Variants in FCHSD2 observed in about 807,000 individuals in gnomAD.
FCHSD2 encodes F-BAR and double SH3 domains protein 2.
In FCHSD2, 38 loss-of-function variants were observed where a neutral mutation model predicts 108.1. The ratio of observed to expected loss-of-function variants is 0.35; its 90% CI spans 0.27 to 0.46. The LOEUF is 0.46. FCHSD2 is among the 20% of genes least tolerant of loss of function. The pLI, the probability that FCHSD2 is intolerant of heterozygous loss-of-function variation, is 1.00. For missense variants in FCHSD2, 751 were observed against 897.8 expected (o/e 0.84, Z 2.09); for synonymous variants, 279 against 314.7 (o/e 0.89, Z 1.20).
At chr11:72,991,651 G>T (rs903442040) in intron 5 of FCHSD2, among the ~76,000 whole-genome samples, 1 of 152,032 alleles carries the variant, frequency 6.6e-6, no homozygotes, top group African/African-American at 2.4e-5. Flanking sequence ...CAGAACCAAC[G>T]ACAAAAACCA....
chr11:72,863,899 T>C (rs1232190513), intron 13 of FCHSD2, among the ~76,000 whole-genome samples: 2 of 152,240 alleles, frequency 1.3e-5, no homozygotes, highest in African/African-American at 2.4e-5. Flanking sequence ...TAAAATGGTA[T>C]AACCACTTTG....
intron 3 of FCHSD2, among the ~76,000 whole-genome samples, chr11:73,028,286 G>C (rs1024193301): frequency 1.3e-5 from 2 of 152,224 alleles, no homozygotes; most frequent in African/African-American, 2.4e-5. Flanking sequence ...CCCACATCTT[G>C]CAACAGCGTG....
chr11:72,984,178 G>T lies in FCHSD2; in HGVS notation c.615C>A (p.Thr205=). 1 of 1,613,334 alleles carries T rather than the reference G, an allele frequency of 6.2e-7. No individual in the cohort carries two copies. Among genetic ancestry groups the T allele is most frequent in the Non-Finnish European group, 8.5e-7 (1 of 1,179,390 alleles). ...TAAGAAGATAATCATTCCTTGCGTG[G>T]GTAGCTTTGGAATTACACTCAGATC... ...ARRSECNSKA[T]HARNDYLLTL... The change falls in exon 8 of 20, where the codon ACC becomes ACA. Residue 205 remains threonine, a synonymous_variant. Coordinates refer to ENST00000409418, the MANE Select transcript of FCHSD2 (RefSeq NM_014824.3).
At chr11:73,006,191 AC>A (rs1225954398) in intron 4 of FCHSD2, among the ~76,000 whole-genome samples, 1 of 151,972 alleles carries the variant, frequency 6.6e-6, no homozygotes. Context: ...ACATACATGA[AC>A]CACTACTCTC....
intron 8 of FCHSD2, among the ~76,000 whole-genome samples, chr11:72,949,385 G>C (rs1488242382): frequency 3.3e-5 from 5 of 152,158 alleles, no homozygotes; most frequent in Middle Eastern, 3.4e-3. Context: ...TGGAGGCAGA[G>C]GTTACAGTGA....
chr11:73,113,822 C>T (rs1198861933), intron 2 of FCHSD2, among the ~76,000 whole-genome samples: 2 of 152,132 alleles, frequency 1.3e-5, no homozygotes, highest in African/African-American at 2.4e-5. Flanking sequence ...CCCAGTAATG[C>T]TATGTTTCTT....
At chr11:72,925,855 C>A (rs891361363) in intron 8 of FCHSD2, among the ~76,000 whole-genome samples, 1 of 152,192 alleles carries the variant, frequency 6.6e-6, no homozygotes, top group Non-Finnish European at 1.5e-5. Context: ...CCACTGCAGT[C>A]GCTCAAACTG....
intron 19 of FCHSD2, among the ~76,000 whole-genome samples, chr11:72,840,215 T>C (rs1860871397): frequency 2.0e-5 from 3 of 152,256 alleles, no homozygotes. Flanking sequence ...AATGGCTTCC[T>C]GTCTCATTTG....
intron 4 of FCHSD2, among the ~76,000 whole-genome samples, chr11:73,013,809 T>C (rs1176854904): frequency 6.6e-6 from 1 of 152,180 alleles, no homozygotes; most frequent in Non-Finnish European, 1.5e-5. Flanking sequence ...ACCTGAATCC[T>C]GAATTTTAAA....
chr11:73,007,083 T>C (rs1330494209), intron 4 of FCHSD2, among the ~76,000 whole-genome samples: 3 of 152,212 alleles, frequency 2.0e-5, no homozygotes, highest in Non-Finnish European at 4.4e-5. Context: ...TCTGTACCAT[T>C]ATTTTCTTAT....
At chr11:72,981,743 A>T (rs1337666520) in intron 8 of FCHSD2, among the ~76,000 whole-genome samples, 3 of 152,316 alleles carry the variant, frequency 2.0e-5, no homozygotes, top group African/African-American at 7.2e-5. Flanking sequence ...TGGGAGGCTG[A>T]GGTGGGAGGA....
At chr11:73,007,281 A>G (rs187652822) in intron 4 of FCHSD2, among the ~76,000 whole-genome samples, 1 of 152,288 alleles carries the variant, frequency 6.6e-6, no homozygotes, top group Non-Finnish European at 1.5e-5. Context: ...CATATAAGAT[A>G]TCTAGGAAAA....
chr11:73,089,331 G>A (rs1237038209), intron 2 of FCHSD2, among the ~76,000 whole-genome samples: 1 of 152,196 alleles, frequency 6.6e-6, no homozygotes, highest in African/African-American at 2.4e-5. Flanking sequence ...CATAGCGTTA[G>A]TGGAAAAGTA....
At chr11:72,959,572 G>A (rs1856784877) in intron 8 of FCHSD2, among the ~76,000 whole-genome samples, 1 of 152,040 alleles carries the variant, frequency 6.6e-6, no homozygotes, top group African/African-American at 2.4e-5. Flanking sequence ...AGTCTACTCT[G>A]AGACCGTCAA....
intron 10 of FCHSD2, among the ~76,000 whole-genome samples, chr11:72,896,816 TTTTTGTTTTG>T (rs796577188): frequency 1.5e-4 from 22 of 148,448 alleles, no homozygotes; most frequent in African/African-American, 4.7e-4. Context: ...GCCTTGTGGA[TTTTTGTTTTG>T]TTTTGTTTTG....
At chr11:73,111,003 T>A (rs2135545717) in intron 2 of FCHSD2, among the ~76,000 whole-genome samples, 1 of 152,348 alleles carries the variant, frequency 6.6e-6, no homozygotes, top group Admixed American at 6.5e-5. Context: ...GTTATTGATT[T>A]CTAGTTTTAT....
In FCHSD2 at chr11:72,980,613, G is replaced by C. The variant is rs551401535; in HGVS notation, c.705+3475C>G. Among the ~76,000 whole-genome samples the C allele has an allele frequency of 9.3e-5, 14 of 151,254 alleles. No individual in the cohort carries two copies. The East Asian group carries it at 2.5e-3, about 27-fold the overall frequency. On this transcript the variant is annotated intron_variant, in intron 8 of 19. Transcript: ENST00000409418. ...TATTACTAACCACAGTCCTCCAGCA[G>C]TAAGTGATTTCCATCACTCTAATTT... is the stretch of plus-strand genomic sequence containing the variant.
intron 11 of FCHSD2, among the ~76,000 whole-genome samples, chr11:72,889,364 T>C (rs376971494): frequency 6.6e-6 from 1 of 152,360 alleles, no homozygotes; most frequent in East Asian, 1.9e-4. Flanking sequence ...ATTTTCTTTG[T>C]TAATTTTATG....
chr11:73,032,150 C>T (rs915396650), intron 3 of FCHSD2, among the ~76,000 whole-genome samples: 1 of 152,092 alleles, frequency 6.6e-6, no homozygotes, highest in Non-Finnish European at 1.5e-5. Flanking sequence ...CATATATACT[C>T]TAGAATACAT....
Sources: gnomAD v4.1 joint callset for allele counts (sites outside exome capture counted in the v4.1 genomes callset) on GRCh38, gnomAD v4.1.1 for gene constraint, MANE v1.5 for transcripts, NCBI Gene and HGNC (gene_info 2026-07-23, HGNC 2026-07-21) for gene names.